The following LRRC43 variants were observed in gnomAD, a reference collection of about 807,000 sequenced individuals.
The protein encoded by LRRC43 is leucine-rich repeat-containing protein 43.
LRRC43 carries 62 observed loss-of-function variants against 64.3 expected under a neutral mutation model. That is an observed-to-expected ratio of 0.96 (90% CI 0.79 to 1.19). The LOEUF is 1.19. Among genes scored for constraint, LRRC43 ranks in the 50% most tolerant of loss-of-function variants. The probability of loss-of-function intolerance (pLI) is 0.00; values close to 1 mark genes in which losing one functional copy is unlikely to be tolerated. For missense variants in LRRC43, 868 were observed against 845.0 expected (o/e 1.03, Z -0.34); for synonymous variants, 422 against 382.3 (o/e 1.10, Z -1.21).
chr12:122,203,021 GC>G (rs2136068596), intron 11 of LRRC43, among the ~76,000 whole-genome samples: 1 of 152,264 alleles, frequency 6.6e-6, no homozygotes, highest in East Asian at 1.9e-4. Context: ...AACCTGGGAG[GC>G]GGAGGTTGCA....
rs1426883615 is a variant in LRRC43 at position 122,200,705 on chromosome 12, G to T, written c.1621-41G>T. On this transcript the variant is annotated intron_variant, in intron 9 of 11. Coordinates refer to ENST00000339777, the MANE Select transcript of LRRC43 (RefSeq NM_001098519.2). The surrounding 1 kb of genome is among the most constrained non-coding windows in gnomAD (Gnocchi z 4.6). ...GGGAGGGCAGCCTGGCCACACCCTT[G>T]CTTCAACTTGTCCCACCCTCCTGTC... 2 of 1,613,192 alleles carry T rather than the reference G, an allele frequency of 1.2e-6. No homozygotes were observed. The highest frequency in any genetic ancestry group is 2.2e-5 in the South Asian group (2 of 91,058).
chr12:122,189,350 G>T, intron 4 of LRRC43: 1 of 450,892 alleles, frequency 2.2e-6, no homozygotes. Context: ...GACGCAGCAG[G>T]GAAGGGAAGC....
intron 1 of LRRC43, among the ~76,000 whole-genome samples, chr12:122,171,513 A>AT (rs1953484897): frequency 6.6e-6 from 1 of 151,168 alleles, no homozygotes; most frequent in African/African-American, 2.4e-5. Context: ...TGTCTGGCTA[A>AT]TTTTTTTGTT....
chr12:122,176,535 G>GTTTTT (rs386378008), intron 1 of LRRC43, among the ~76,000 whole-genome samples: 2,172 of 144,322 alleles, frequency 0.015, 69 homozygotes, highest in African/African-American at 0.052. Context: ...CTTTTGTTTT[G>GTTTTT]TTTTTTTTTT....
rs1566008280 is a variant in LRRC43 at position 122,187,737 on chromosome 12, G to A, written c.559G>A (p.Glu187Lys). Residue 187 changes from glutamate (E) to lysine (K), a missense_variant, in exon 4 of 12, where the codon GAG becomes AAG. Transcript: ENST00000339777. ...ELYGNEISSMECLCAHPPAGL... is the reference protein window; with the variant it reads ...ELYGNEISSMKCLCAHPPAGL... ...CTACGGCAATGAGATCAGCAGCATG[G>A]AGTGTCTGTGTGCCCACCCACCCGC... The A allele has an allele frequency of 2.5e-6, 4 of 1,614,022 alleles. No individual in the cohort carries two copies. Among genetic ancestry groups the A allele is most frequent in the Non-Finnish European group, 3.4e-6 (4 of 1,180,028 alleles).
At chr12:122,189,646 C>T (rs1346353471) in intron 4 of LRRC43, 2 of 374,054 alleles carry the variant, frequency 5.3e-6, no homozygotes, top group African/African-American at 2.1e-5. Context: ...GAAGCCATCT[C>T]CTGCTTCTAG....
At chr12:122,203,223 G>A in intron 11 of LRRC43, 92 bp from the exon 12 acceptor site, 1 of 1,453,110 alleles carries the variant, frequency 6.9e-7, no homozygotes, top group Non-Finnish European at 9.4e-7. Flanking sequence ...CTGGGACAGG[G>A]TCCAGGGCTT....
In LRRC43 at chr12:122,184,848, A is replaced by G; in HGVS notation, c.411+69A>G. 6.7e-7 allele frequency: 1 copy of G among 1,489,354 alleles called. No homozygotes were observed. Among genetic ancestry groups the G allele is most frequent in the Non-Finnish European group, 9.1e-7 (1 of 1,095,154 alleles). The allele number at this position is 1,489,354 out of a possible 1,614,324, so 92.3% of individuals were successfully genotyped here. A position where few individuals can be genotyped will look rare whatever the true frequency, so the allele number is the denominator to read the frequency against. On this transcript the variant is annotated intron_variant, in intron 2 of 11. Transcript: ENST00000339777. This position sits in a 1 kb window ranked among gnomAD's most constrained non-coding sequence, Gnocchi z 4.0. Reference sequence around the variant, plus strand: ...CCCTAAGGGAGGTTGTGGGGAGGGCACCCTTCCCCACAGCGCGTCAGGGAT... The same window carrying G: ...CCCTAAGGGAGGTTGTGGGGAGGGCGCCCTTCCCCACAGCGCGTCAGGGAT...
chr12:122,188,298 G>A (rs552355818), intron 4 of LRRC43, among the ~76,000 whole-genome samples: 4 of 151,938 alleles, frequency 2.6e-5, no homozygotes, highest in Non-Finnish European at 2.9e-5. Flanking sequence ...TAGTAGAGAC[G>A]GGGTTTCACT....
At chr12:122,185,753 A>C (rs1953636514) in intron 2 of LRRC43, among the ~76,000 whole-genome samples, 1 of 152,168 alleles carries the variant, frequency 6.6e-6, no homozygotes, top group African/African-American at 2.4e-5. Flanking sequence ...CCCCGCTGGG[A>C]AGGGCCCTGA....
chr12:122,177,812 T>TTTTATTTATTTA (rs56698669), intron 1 of LRRC43, among the ~76,000 whole-genome samples: 12,221 of 138,370 alleles, frequency 0.088, 696 homozygotes, highest in Admixed American at 0.16. Flanking sequence ...ACCTTTGTGG[T>TTTTATTTATTTA]TTTATTTATT....
At chr12:122,170,407 G>A (rs904908145) in intron 1 of LRRC43, among the ~76,000 whole-genome samples, 18 of 152,142 alleles carry the variant, frequency 1.2e-4, no homozygotes, top group African/African-American at 3.1e-4. Flanking sequence ...CAAGGCAGGC[G>A]GATCACAAGG....
chr12:122,189,007 C>G (rs568943929), intron 4 of LRRC43, among the ~76,000 whole-genome samples: 1 of 152,168 alleles, frequency 6.6e-6, no homozygotes, highest in South Asian at 2.1e-4. Context: ...TAGCGCCAGC[C>G]GCTCCATCGC....
At chr12:122,181,323 G>C (rs1378051257), upstream of LRRC43, among the ~76,000 whole-genome samples, 1 of 151,888 alleles carries the variant, frequency 6.6e-6, no homozygotes, top group African/African-American at 2.4e-5. Context: ...GTGGGCGGAT[G>C]ACGAGGTCAG....
At chr12:122,173,212 A>G (rs926158686) in intron 1 of LRRC43, among the ~76,000 whole-genome samples, 13 of 152,204 alleles carry the variant, frequency 8.5e-5, no homozygotes, top group African/African-American at 3.1e-4. Flanking sequence ...AGTACTAACT[A>G]GAGTCAGACC....
At chr12:122,196,918 G>A (rs1311358521) in intron 7 of LRRC43, among the ~76,000 whole-genome samples, 1 of 152,172 alleles carries the variant, frequency 6.6e-6, no homozygotes, top group Non-Finnish European at 1.5e-5. Context: ...GAAAGTGTGG[G>A]AAACACATTC....
intron 1 of LRRC43, among the ~76,000 whole-genome samples, chr12:122,175,703 GT>G (rs1953531707): frequency 6.6e-6 from 1 of 151,090 alleles, no homozygotes; most frequent in Non-Finnish European, 1.5e-5. Context: ...TTTCGCTCTT[GT>G]TGCCCAGGCT....
At chr12:122,186,065 A>C in intron 2 of LRRC43, 125 bp from the exon 3 acceptor site, 1 of 635,062 alleles carries the variant, frequency 1.6e-6, no homozygotes, top group Admixed American at 2.5e-5. Context: ...TCCGGGGAGC[A>C]GGGGGTGGGA....
chr12:122,203,361 T>G lies in LRRC43; in HGVS notation c.1890T>G (p.Pro630=). The change falls in exon 12 of 12, where the codon CCT becomes CCG. Residue 630 remains proline, a synonymous_variant. Coordinates refer to ENST00000339777, the MANE Select transcript of LRRC43 (RefSeq NM_001098519.2). The stretch of plus-strand genomic sequence containing the variant: ...CGATCTACGAAGGCGATTACCACCC[T>G]GAGCCCCTGACCGTAGAGGTGCAGA... ...VIPIYEGDYH[P]EPLTVEVQIQ... The G allele has an allele frequency of 6.2e-7, 1 of 1,613,434 alleles. No homozygotes were observed. Among genetic ancestry groups the G allele is most frequent in the Non-Finnish European group, 8.5e-7 (1 of 1,179,918 alleles).
Sources: allele counts gnomAD v4.1 joint callset (sites outside exome capture counted in the v4.1 genomes callset), GRCh38; gene constraint gnomAD v4.1.1; non-coding constraint Gnocchi (gnomAD v3.1); transcripts MANE v1.5; gene names NCBI Gene and HGNC (gene_info 2026-07-23, HGNC 2026-07-21).